WFS1: variants seen among roughly 807,000 people sequenced by gnomAD.
WFS1 encodes wolframin ER transmembrane glycoprotein.
In WFS1, 90 loss-of-function variants were observed where a neutral mutation model predicts 68.5. That is an observed-to-expected ratio of 1.31 (90% CI 1.11 to 1.56). The LOEUF (loss-of-function observed/expected upper bound fraction) is 1.56. Among genes scored for constraint, WFS1 ranks in the 40% most tolerant of loss-of-function variants. WFS1 has a pLI of 0.00. For missense variants in WFS1, 1,767 were observed against 1,232.6 expected (o/e 1.43, Z -6.49); for synonymous variants, 860 against 540.7 (o/e 1.59, Z -8.19).
Position 6,277,631 on chromosome 4 carries a change from C to T in WFS1, c.176C>T (p.Ala59Val), listed in dbSNP as rs71524365. The T allele has an allele frequency of 3.1e-5, 49 of 1,570,208 alleles. 2 individuals carry two copies. The Middle Eastern group carries it at 5.8e-3, about 184-fold the overall frequency. The change falls in exon 2 of 8, where the codon GCC becomes GTC. Residue 59 changes from alanine (A) to valine (V), a missense_variant. Physicochemically the swap from Ala to Val is moderately conservative, Grantham distance 64. Coordinates refer to ENST00000226760, the MANE Select transcript of WFS1 (RefSeq NM_006005.3). ...GPGPGVRDAA[A>V]PAEPQAQHTR... is the part of the protein sequence containing the mutation. ...GGCCCTGGTGTTAGAGACGCAGCGG[C>T]CCCCGCTGAACCCCAGGCCCAGCAT...
intron 7 of WFS1, among the ~76,000 whole-genome samples, chr4:6,296,098 G>T (rs1046275422): frequency 6.6e-6 from 1 of 152,234 alleles, no homozygotes; most frequent in Admixed American, 6.5e-5. Flanking sequence ...TATTCAGATG[G>T]GCGCGTGAGT....
chr4:6,291,860 C>T, intron 5 of WFS1, 57 bp from the exon 6 acceptor site: 1 of 1,534,942 alleles, frequency 6.5e-7, no homozygotes, highest in East Asian at 2.4e-5. Flanking sequence ...TGGTGGGCTG[C>T]AGGGCACGAG....
intron 1 of WFS1, among the ~76,000 whole-genome samples, chr4:6,276,521 G>C (rs1307358818): frequency 5.3e-5 from 8 of 152,084 alleles, no homozygotes; most frequent in African/African-American, 1.9e-4. Context: ...TCTGACTTCG[G>C]TGCTGTGGCT....
intron 1 of WFS1, among the ~76,000 whole-genome samples, chr4:6,277,184 G>A (rs897627416): frequency 5.3e-5 from 8 of 152,112 alleles, no homozygotes; most frequent in Non-Finnish European, 8.8e-5. Context: ...GCCCAGTGAG[G>A]CAGGGACTCC....
chr4:6,270,544 A>G (rs982086131), intron 1 of WFS1, among the ~76,000 whole-genome samples: 4 of 152,054 alleles, frequency 2.6e-5, no homozygotes, highest in African/African-American at 4.8e-5. Context: ...CTGAATCCCC[A>G]CAGCCCACTT....
chr4:6,277,031 G>A (rs781199908), intron 1 of WFS1, among the ~76,000 whole-genome samples: 1 of 152,202 alleles, frequency 6.6e-6, no homozygotes, highest in African/African-American at 2.4e-5. Flanking sequence ...TCCAAATAAG[G>A]GCACATTCAC....
In WFS1 at chr4:6,300,902, G is replaced by GA. The variant is rs2109125327; in HGVS notation, c.1107_1108insA (p.Ala370SerfsTer173). ...CCCTCAAGGTGTTCCAGGACAGCAAGGCCTGGGAGAACTTCCGCACCCTCA... is the reference window on the plus strand; with the variant it reads ...CCCTCAAGGTGTTCCAGGACAGCAAGAGCCTGGGAGAACTTCCGCACCCTCA... On this transcript the variant is annotated frameshift_variant, in exon 8 of 8. Transcript: ENST00000226760. LOFTEE classifies it high-confidence loss of function. The GA allele has an allele frequency of 6.2e-7, 1 of 1,614,178 alleles. No individual in the cohort carries two copies. Among genetic ancestry groups the GA allele is most frequent in the South Asian group, 1.1e-5 (1 of 91,076 alleles).
At chr4:6,294,796 G>A (rs867769195) in intron 6 of WFS1, 3 of 544,780 alleles carry the variant, frequency 5.5e-6, no homozygotes, top group Middle Eastern at 1.0e-3. Flanking sequence ...TGGGGTGGGG[G>A]ACAGCACACC....
intron 2 of WFS1, among the ~76,000 whole-genome samples, chr4:6,285,579 A>G (rs1276848061): frequency 1.3e-5 from 2 of 152,094 alleles, no homozygotes; most frequent in African/African-American, 2.4e-5. Context: ...GCCACCTGCG[A>G]CTTTTGAGTT....
chr4:6,277,759 C>A, intron 2 of WFS1, 72 bp downstream of exon 2: 5 of 1,517,044 alleles, frequency 3.3e-6, no homozygotes, highest in Admixed American at 2.0e-5. Context: ...GGTTCAGCCA[C>A]CCCTGGAGGG....
chr4:6,279,329 C>T (rs1730087363), intron 2 of WFS1, among the ~76,000 whole-genome samples: 2 of 152,266 alleles, frequency 1.3e-5, no homozygotes, highest in African/African-American at 4.8e-5. Flanking sequence ...CTTTTTAGGG[C>T]ATTAGCCCAC....
intron 7 of WFS1, among the ~76,000 whole-genome samples, chr4:6,300,312 C>A (rs902227433): frequency 1.3e-5 from 2 of 152,070 alleles, no homozygotes; most frequent in Non-Finnish European, 2.9e-5. Flanking sequence ...TGTGGGTGAC[C>A]CTGAGGGGAG....
At chr4:6,279,238 T>A (rs1730084905) in intron 2 of WFS1, among the ~76,000 whole-genome samples, 1 of 152,186 alleles carries the variant, frequency 6.6e-6, no homozygotes. Context: ...CCAGCCAACA[T>A]AGGTGGGTGA....
At chr4:6,297,689 C>T (rs1393970504) in intron 7 of WFS1, among the ~76,000 whole-genome samples, 2 of 152,104 alleles carry the variant, frequency 1.3e-5, no homozygotes, top group Admixed American at 6.6e-5. Flanking sequence ...TCACCACAGG[C>T]CCAGACAGAG....
At position 6,302,187 on chromosome 4, in the gene WFS1, G is replaced by C. The variant is rs377712049; in HGVS notation, c.2392G>C (p.Val798Leu). ...DGSRSREEDD[V>L]TKDIVLRASS... ...CTCGCGCAGCCGCGAGGAGGACGAC[G>C]TCACCAAGGACATCGTGCTGCGGGC... is the stretch of plus-strand genomic sequence containing the variant. The change falls in exon 8 of 8, where the codon GTC becomes CTC. Residue 798 changes from valine (V) to leucine (L), a missense_variant. Coordinates refer to ENST00000226760, the MANE Select transcript of WFS1 (RefSeq NM_006005.3). 1.2e-6 allele frequency: 2 copies of C among 1,612,446 alleles called. No individual in the cohort carries two copies. The highest frequency in any genetic ancestry group is 8.5e-7 in the Non-Finnish European group (1 of 1,179,850).
In WFS1 at chr4:6,283,109, G is replaced by A. The variant is rs1186589325; in HGVS notation, c.233-3984G>A. 1.3e-5 allele frequency among the ~76,000 whole-genome samples: 2 copies of A among 152,210 alleles called. No individual in the cohort carries two copies. The highest frequency in any genetic ancestry group is 2.9e-5 in the Non-Finnish European group (2 of 68,044). The stretch of plus-strand genomic sequence containing the variant: ...GCTGTGCCGGGAAGGGGCGCATCCT[G>A]GAGGATGCCCTAGGTAGTGCCTGAG... On this transcript the variant is annotated intron_variant, in intron 2 of 7. Coordinates refer to ENST00000226760, the MANE Select transcript of WFS1 (RefSeq NM_006005.3). This position sits in a 1 kb window ranked among gnomAD's most constrained non-coding sequence, Gnocchi z 5.0.
chr4:6,290,383 C>A (rs1730428002), intron 4 of WFS1, among the ~76,000 whole-genome samples: 1 of 152,228 alleles, frequency 6.6e-6, no homozygotes, highest in African/African-American at 2.4e-5. Flanking sequence ...TTGGAATGAC[C>A]TGGAGGGGGC....
chr4:6,301,415 G>T lies in WFS1; in HGVS notation c.1620G>T (p.Trp540Cys), dbSNP rs1038816435. Residue 540 changes from tryptophan to cysteine, a missense_variant, in exon 8 of 8, where the codon TGG becomes TGT. Transcript: ENST00000226760. Reference sequence around the variant, plus strand: ...TGCCCTACCTGGTGTGCTTCATGTGGTGTGAGCTCTCCGTGGTCATCCTGC... The same window carrying T: ...TGCCCTACCTGGTGTGCTTCATGTGTTGTGAGCTCTCCGTGGTCATCCTGC... ...YLVPYLVCFMWCELSVVILLE... is the reference protein window; with the variant it reads ...YLVPYLVCFMCCELSVVILLE... 2 of 1,612,344 alleles carry T rather than the reference G, an allele frequency of 1.2e-6. No homozygotes were observed. Among genetic ancestry groups the T allele is most frequent in the Non-Finnish European group, 1.7e-6 (2 of 1,180,032 alleles).
Position 6,301,736 on chromosome 4 carries a change from C to T in WFS1, c.1941C>T (p.Cys647=). 6.2e-7 allele frequency: 1 copy of T among 1,613,996 alleles called. No individual in the cohort carries two copies. The highest frequency in any genetic ancestry group is 1.7e-5 in the Admixed American group (1 of 60,032). The part of the protein sequence containing the change: ...LVWLTAIVLF[C]WFYVYRSEGM... ...GGCTCACGGCCATCGTGCTGTTCTG[C>T]TGGTTCTATGTGTACCGCTCAGAGG... Residue 647 remains cysteine (C), a synonymous_variant, in exon 8 of 8, where the codon TGC becomes TGT. Transcript: ENST00000226760.
Sources: gnomAD v4.1 joint callset for allele counts (sites outside exome capture counted in the v4.1 genomes callset) on GRCh38, gnomAD v4.1.1 for gene constraint, Gnocchi (gnomAD v3.1) non-coding constraint, MANE v1.5 for transcripts, NCBI Gene and HGNC (gene_info 2026-07-23, HGNC 2026-07-21) for gene names.